TRPV4: variants seen among roughly 807,000 people sequenced by gnomAD.
TRPV4 encodes OSM9-like transient receptor potential channel 4.
A neutral mutation model predicts 84.1 loss-of-function variants in TRPV4; 58 were observed. The observed-to-expected ratio is 0.69, with a 90% CI of 0.56 to 0.86. The LOEUF (loss-of-function observed/expected upper bound fraction) is 0.86. Ranked by LOEUF, TRPV4 falls within the 40% of genes least tolerant of loss-of-function variation. The pLI is 0.00. For synonymous variants in TRPV4, 489 were observed against 500.9 expected, an observed-to-expected ratio of 0.98 and a Z score of 0.32; for missense variants, 879 against 1,181.1, an observed-to-expected ratio of 0.74 and a Z score of 3.75.
chr12:109,799,061 G>GCATCACCCAGAGAAAC, intron 5 of TRPV4, 149 bp from the exon 6 acceptor site: 1 of 783,332 alleles, frequency 1.3e-6, no homozygotes, highest in Non-Finnish European at 2.0e-6. Context: ...CGTTTCTCTG[G>GCATCACCCAGAGAAAC]GTGATGCCAG....
chr12:109,784,386 G>C lies in TRPV4; in HGVS notation c.2388C>G (p.Asn796Lys). 1 of 1,614,162 alleles carries C rather than the reference G, an allele frequency of 6.2e-7. No individual in the cohort carries two copies. Among genetic ancestry groups the C allele is most frequent in the Non-Finnish European group, 8.5e-7 (1 of 1,180,034 alleles). Residue 796 changes from asparagine (N) to lysine (K), a missense_variant, in exon 15 of 16, where the codon AAC becomes AAG. Asn to Lys is a moderately conservative substitution (Grantham distance 94). This residue lies in a region of TRPV4 where 242 missense variants were observed against 355.3 expected (regional missense o/e 0.68). Transcript: ENST00000261740. ...SHWNQNLGII[N>K]EDPGKNETYQ... ...AGGTCTCATTCTTGCCCGGGTCCTC[G>C]TTGATGATGCCCAAGTTCTGGTTCC...
chr12:109,803,292 G>T (rs1181288406), intron 3 of TRPV4, 149 bp from the exon 4 acceptor site: 8 of 967,100 alleles, frequency 8.3e-6, no homozygotes, highest in Non-Finnish European at 7.9e-6. Context: ...TGTCCAGTGG[G>T]GACCCAGGGC....
intron 1 of TRPV4, among the ~76,000 whole-genome samples, chr12:109,819,058 T>G: frequency 6.6e-6 from 1 of 151,998 alleles, no homozygotes; most frequent in East Asian, 1.9e-4. Context: ...CTAGCTCACG[T>G]GTACACATAC....
At chr12:109,797,328 AT>A (rs1890466621) in intron 6 of TRPV4, among the ~76,000 whole-genome samples, 1 of 151,608 alleles carries the variant, frequency 6.6e-6, no homozygotes, top group South Asian at 2.1e-4. Context: ...ATATTTTTGT[AT>A]TTTTAGTAGA....
chr12:109,795,735 T>C (rs12579162), intron 7 of TRPV4, among the ~76,000 whole-genome samples: 15,362 of 151,820 alleles, frequency 0.1, 950 homozygotes, highest in South Asian at 0.18. Context: ...AAAAGCTTGG[T>C]TTTTTGTTTG....
chr12:109,825,827 G>A (rs961792565), intron 1 of TRPV4, among the ~76,000 whole-genome samples: 3 of 152,146 alleles, frequency 2.0e-5, no homozygotes, highest in East Asian at 1.9e-4. Context: ...GGCAGGAGTC[G>A]GGGAAGGGAG....
rs1451788224 is a variant in TRPV4 at position 109,784,396 on chromosome 12, C to T, written c.2378G>A (p.Gly793Asp). The T allele has an allele frequency of 3.7e-6, 6 of 1,614,186 alleles. No homozygotes were observed. Among genetic ancestry groups the T allele is most frequent in the Non-Finnish European group, 4.2e-6 (5 of 1,180,030 alleles). ...VNWSHWNQNL[G>D]IINEDPGKNE... ...CTTGCCCGGGTCCTCGTTGATGATG[C>T]CCAAGTTCTGGTTCCAGTGAGACCA... The change falls in exon 15 of 16, where the codon GGC (glycine) becomes GAC (aspartate). Residue 793 changes from glycine (G) to aspartate (D), a missense_variant. Around this residue, in one of 4 missense-constraint regions of TRPV4, gnomAD observed 242 missense variants for 355.3 expected, o/e 0.68. Coordinates refer to ENST00000261740, the MANE Select transcript of TRPV4 (RefSeq NM_021625.5).
At chr12:109,821,280 T>C (rs138273149) in intron 1 of TRPV4, among the ~76,000 whole-genome samples, 1 of 152,252 alleles carries the variant, frequency 6.6e-6, no homozygotes, top group South Asian at 2.1e-4. Context: ...AGGGGAGACA[T>C]AAAAGTGTGG....
chr12:109,785,213 T>C (rs1889613953), intron 14 of TRPV4, among the ~76,000 whole-genome samples: 3 of 151,718 alleles, frequency 2.0e-5, no homozygotes, highest in African/African-American at 7.2e-5. Flanking sequence ...TTTGTAGAGA[T>C]GGGGTTTCAC....
In TRPV4 at chr12:109,783,796, C is replaced by T; in HGVS notation, c.2459-18G>A. 6.2e-7 allele frequency: 1 copy of T among 1,609,568 alleles called. No homozygotes were observed. Among genetic ancestry groups the T allele is most frequent in the Non-Finnish European group, 8.5e-7 (1 of 1,179,766 alleles). On this transcript the variant is annotated intron_variant, in intron 15 of 15. Coordinates refer to ENST00000261740, the MANE Select transcript of TRPV4 (RefSeq NM_021625.5). The surrounding 1 kb of genome is among the most constrained non-coding windows in gnomAD (Gnocchi z 4.6). ...CCAGCGATCTGCACCGAGAGCACAT[C>T]AGAGGGAGGGGTGGGGGTTGGTGGA...
intron 13 of TRPV4, among the ~76,000 whole-genome samples, chr12:109,787,287 TTTGTTG>T (rs761869778): frequency 6.6e-6 from 1 of 152,112 alleles, no homozygotes; most frequent in East Asian, 1.9e-4. Flanking sequence ...TTTGCAGTTT[TTTGTTG>T]TTGTTGTTGT....
In TRPV4 at chr12:109,808,398, T is replaced by C; in HGVS notation, c.457A>G (p.Ile153Val). The C allele has an allele frequency of 6.2e-7, 1 of 1,614,124 alleles. No individual in the cohort carries two copies. Among genetic ancestry groups the C allele is most frequent in the Non-Finnish European group, 8.5e-7 (1 of 1,180,014 alleles). The change falls in exon 3 of 16, where the codon ATC (isoleucine) becomes GTC (valine). Residue 153 changes from isoleucine to valine, a missense_variant. Around this residue, in one of 4 missense-constraint regions of TRPV4, gnomAD observed 521 missense variants for 686.6 expected, o/e 0.76. Transcript: ENST00000261740. ...CCCCGGGACACGATGTCAAAGAGGATAGGCCGGTTGAAGACTTTGAGGATG... is the reference window on the plus strand; with the variant it reads ...CCCCGGGACACGATGTCAAAGAGGACAGGCCGGTTGAAGACTTTGAGGATG... Reference protein sequence around the residue: ...PPILKVFNRPILFDIVSRGST... With the variant: ...PPILKVFNRPVLFDIVSRGST...
intron 1 of TRPV4, among the ~76,000 whole-genome samples, chr12:109,821,907 T>C (rs1015456045): frequency 6.6e-6 from 1 of 152,158 alleles, no homozygotes; most frequent in Non-Finnish European, 1.5e-5. Context: ...CTATTTCGTG[T>C]CCCCTGTGTC....
At chr12:109,799,748 T>G (rs943221023) in intron 5 of TRPV4, among the ~76,000 whole-genome samples, 1 of 151,058 alleles carries the variant, frequency 6.6e-6, no homozygotes, top group Non-Finnish European at 1.5e-5. Flanking sequence ...AGGATTTGGC[T>G]TTTTTTTTGT....
chr12:109,788,827 C>T (rs765816168), intron 12 of TRPV4, 111 bp from the exon 13 acceptor site: 194 of 1,251,368 alleles, frequency 1.6e-4, no homozygotes, highest in Non-Finnish European at 2.0e-4. Context: ...GAGCGGAGCA[C>T]GCTGGCCCAC....
At chr12:109,807,276 CA>C (rs200798445) in intron 3 of TRPV4, among the ~76,000 whole-genome samples, 31,995 of 107,234 alleles carry the variant, frequency 0.3, 3,975 homozygotes, top group Admixed American at 0.39. Flanking sequence ...AACTCTGTCT[CA>C]AAAAAAAAAA....
chr12:109,821,857 C>T (rs1892111944), intron 1 of TRPV4, among the ~76,000 whole-genome samples: 1 of 152,168 alleles, frequency 6.6e-6, no homozygotes, highest in African/African-American at 2.4e-5. Flanking sequence ...GATTCATCTT[C>T]TCTCTTCACC....
intron 12 of TRPV4, among the ~76,000 whole-genome samples, chr12:109,791,645 T>C (rs932938468): frequency 2.0e-5 from 3 of 150,752 alleles, no homozygotes; most frequent in African/African-American, 7.3e-5. Flanking sequence ...ACCATGCCTG[T>C]CTAATTTTTG....
At position 109,820,513 on chromosome 12, in the gene TRPV4, C is replaced by CTTTTTTTTTTTTT. The variant is rs1245573219; in HGVS notation, c.-31-5687_-31-5686insAAAAAAAAAAAAA. On this transcript the variant is annotated intron_variant, in intron 1 of 15. Coordinates refer to ENST00000261740, the MANE Select transcript of TRPV4 (RefSeq NM_021625.5). Reference sequence around the variant, plus strand: ...TCTGATCTTCACTTTCTTCAGCTGCCCTATTTTTTTTTTTTTTTTTTTTTT... The same window carrying CTTTTTTTTTTTTT: ...TCTGATCTTCACTTTCTTCAGCTGCCTTTTTTTTTTTTTCTATTTTTTTTTTTTTTTTTTTTTT... 3.9e-4 allele frequency among the ~76,000 whole-genome samples: 42 copies of CTTTTTTTTTTTTT among 106,808 alleles called. 3 individuals are homozygous for CTTTTTTTTTTTTT. Among genetic ancestry groups the CTTTTTTTTTTTTT allele is most frequent in the Middle Eastern group, 5.3e-3 (1 of 188 alleles). 70.1% of individuals were successfully genotyped at this position (106,808 alleles called of 152,430 possible).
Sources: allele counts gnomAD v4.1 joint callset (sites outside exome capture counted in the v4.1 genomes callset), GRCh38; gene constraint gnomAD v4.1.1; regional missense constraint gnomAD v4.1.1; non-coding constraint Gnocchi (gnomAD v3.1); transcripts MANE v1.5; gene names NCBI Gene and HGNC (gene_info 2026-07-23, HGNC 2026-07-21).